Variants in ZKSCAN1 observed in about 807,000 individuals in gnomAD.
The protein encoded by ZKSCAN1 is zinc finger with KRAB and SCAN domains 1.
A neutral mutation model predicts 51.6 loss-of-function variants in ZKSCAN1; 14 were observed. That is an observed-to-expected ratio of 0.27 (90% CI 0.18 to 0.42). The LOEUF is 0.42. Ranked by LOEUF, ZKSCAN1 falls within the 10% of genes least tolerant of loss-of-function variation. The pLI, the probability that ZKSCAN1 is intolerant of heterozygous loss-of-function variation, is 1.00. For missense variants in ZKSCAN1, 531 were observed against 710.0 expected (o/e 0.75, Z 2.86); for synonymous variants, 263 against 261.5 (o/e 1.01, Z -0.06).
rs1322657690 is a variant in ZKSCAN1 at position 100,035,784 on chromosome 7, A to G, written c.*1587A>G. On this transcript the variant is annotated 3_prime_UTR_variant, in exon 6 of 6. Coordinates refer to ENST00000324306, the MANE Select transcript of ZKSCAN1 (RefSeq NM_003439.4). ...AGGTTATGAAACTTTCATTGGTCCC[A>G]TCGTTGTGCGCAGGGTGCAACTGGC... 2 of 952,762 alleles carry G rather than the reference A, an allele frequency of 2.1e-6. No individual in the cohort carries two copies. The highest frequency in any genetic ancestry group is 2.5e-6 in the Non-Finnish European group (2 of 800,248). 59.0% of individuals were successfully genotyped at this position (952,762 alleles called of 1,614,324 possible). A position where few individuals can be genotyped will look rare whatever the true frequency, so the allele number is the denominator to read the frequency against.
chr7:100,017,311 C>G, intron 1 of ZKSCAN1, among the ~76,000 whole-genome samples: 1 of 152,076 alleles, frequency 6.6e-6, no homozygotes, highest in East Asian at 1.9e-4. Context: ...CAACCTCTGC[C>G]TCCCGAGTTC....
At position 100,023,502 on chromosome 7, in the gene ZKSCAN1, C is replaced by A. The variant is rs1234488367; in HGVS notation, c.-5C>A. On this transcript the variant is annotated 5_prime_UTR_variant, in exon 2 of 6. Coordinates refer to ENST00000324306, the MANE Select transcript of ZKSCAN1 (RefSeq NM_003439.4). ...GTTTGGATCAAGTCAGTTCCTGGAGCCTGAATGATGACTGCTGAATCACGG... is the reference window on the plus strand; with the variant it reads ...GTTTGGATCAAGTCAGTTCCTGGAGACTGAATGATGACTGCTGAATCACGG... The A allele has an allele frequency of 2.5e-6, 4 of 1,605,784 alleles. No individual in the cohort carries two copies. Among genetic ancestry groups the A allele is most frequent in the Non-Finnish European group, 3.4e-6 (4 of 1,176,436 alleles).
In ZKSCAN1 at chr7:100,040,864, T is replaced by G. The variant is rs1319228318; in HGVS notation, c.*6667T>G. On this transcript the variant is annotated 3_prime_UTR_variant, in exon 6 of 6. Transcript: ENST00000324306. ...CAAAGCATGTTAGATTAGAGATGCT[T>G]CTGCTGATCGCAGGGGTTCTTATTT... is the stretch of plus-strand genomic sequence containing the variant. The G allele has an allele frequency of 1.0e-6, 1 of 985,264 alleles. No homozygotes were observed. Among genetic ancestry groups the G allele is most frequent in the Non-Finnish European group, 1.2e-6 (1 of 829,920 alleles). 61.0% of individuals were successfully genotyped at this position (985,264 alleles called of 1,614,324 possible).
chr7:100,032,735 G>A (rs1028138774), intron 5 of ZKSCAN1, among the ~76,000 whole-genome samples: 3 of 151,806 alleles, frequency 2.0e-5, no homozygotes, highest in South Asian at 2.1e-4. Context: ...TAGGCCAGGC[G>A]TGGTGGCTCA....
In ZKSCAN1 at chr7:100,033,266, GA is replaced by G; in HGVS notation, c.800-34del. The G allele has an allele frequency of 1.3e-6, 2 of 1,554,556 alleles. No homozygotes were observed. Among genetic ancestry groups the G allele is most frequent in the Non-Finnish European group, 1.7e-6 (2 of 1,156,416 alleles). ...GCTTGACCCACCTGTATATTCAAAA[GA>G]AAAAGGTGCGATTTGAATTTTCTAT... On this transcript the variant is annotated intron_variant, in intron 5 of 5. Transcript: ENST00000324306. The surrounding 1 kb of genome is among the most constrained non-coding windows in gnomAD (Gnocchi z 4.1).
At chr7:100,017,134 C>T (rs1032998710) in intron 1 of ZKSCAN1, among the ~76,000 whole-genome samples, 4 of 151,900 alleles carry the variant, frequency 2.6e-5, no homozygotes, top group African/African-American at 9.7e-5. Context: ...GAATAGCTAG[C>T]TGTCTTTTAA....
At chr7:100,027,759 A>C (rs1584339336) in intron 3 of ZKSCAN1, among the ~76,000 whole-genome samples, 1 of 150,416 alleles carries the variant, frequency 6.6e-6, no homozygotes, top group East Asian at 2.0e-4. Context: ...AAAAAAAAAA[A>C]AAAAAACACC....
intron 3 of ZKSCAN1, among the ~76,000 whole-genome samples, chr7:100,027,617 G>A (rs181629504): frequency 0.015 from 2,261 of 151,536 alleles, 25 homozygotes; most frequent in Non-Finnish European, 0.025. Flanking sequence ...GCATGGTGGC[G>A]GGTGCCTGTA....
chr7:100,039,467 C>G lies in ZKSCAN1; in HGVS notation c.*5270C>G, dbSNP rs1380416829. The G allele has an allele frequency of 1.0e-6, 1 of 985,302 alleles. No individual in the cohort carries two copies. Among genetic ancestry groups the G allele is most frequent in the Non-Finnish European group, 1.2e-6 (1 of 829,942 alleles). The allele number at this position is 985,302 out of a possible 1,614,324, so 61.0% of individuals were successfully genotyped here. A position where few individuals can be genotyped will look rare whatever the true frequency, so the allele number is the denominator to read the frequency against. On this transcript the variant is annotated 3_prime_UTR_variant, in exon 6 of 6. Coordinates refer to ENST00000324306, the MANE Select transcript of ZKSCAN1 (RefSeq NM_003439.4). Reference sequence around the variant, plus strand: ...AAGCATTTTGCAATATTCCCTTTGGCTGTGTTCCTGTGTTCCCTGCTCCCA... The same window carrying G: ...AAGCATTTTGCAATATTCCCTTTGGGTGTGTTCCTGTGTTCCCTGCTCCCA...
At chr7:100,026,726 G>GA (rs898080791) in intron 3 of ZKSCAN1, among the ~76,000 whole-genome samples, 94 of 146,816 alleles carry the variant, frequency 6.4e-4, no homozygotes, top group African/African-American at 2.1e-3. Context: ...CTCTGTCTCA[G>GA]AAAAAAAAAA....
chr7:100,029,251 GTTTT>G (rs557347149), intron 3 of ZKSCAN1, among the ~76,000 whole-genome samples: 1 of 150,358 alleles, frequency 6.7e-6, no homozygotes, highest in Non-Finnish European at 1.5e-5. Context: ...CTACTAAAGT[GTTTT>G]TTTTGTTGTT....
In ZKSCAN1 at chr7:100,038,066, A is replaced by T; in HGVS notation, c.*3869A>T. 1 of 985,138 alleles carries T rather than the reference A, an allele frequency of 1.0e-6. No individual in the cohort carries two copies. The highest frequency in any genetic ancestry group is 1.2e-6 in the Non-Finnish European group (1 of 829,790). 61.0% of individuals were successfully genotyped at this position (985,138 alleles called of 1,614,324 possible). On this transcript the variant is annotated 3_prime_UTR_variant, in exon 6 of 6. Transcript: ENST00000324306. The stretch of plus-strand genomic sequence containing the variant: ...GGGTGCTCAATCTTAACTGCAGAGG[A>T]TCTACAGATGAAAAAAAATGTGGGG...
Position 100,039,425 on chromosome 7 carries a change from G to C in ZKSCAN1, c.*5228G>C. On this transcript the variant is annotated 3_prime_UTR_variant, in exon 6 of 6. Transcript: ENST00000324306. Reference sequence around the variant, plus strand: ...CCAGTCGTGGCATTGCAAGAAGTCTGTCTGATGAAGCTCGGGAAGCATTTT... The same window carrying C: ...CCAGTCGTGGCATTGCAAGAAGTCTCTCTGATGAAGCTCGGGAAGCATTTT... 4.1e-6 allele frequency: 4 copies of C among 985,450 alleles called. No homozygotes were observed. Among genetic ancestry groups the C allele is most frequent in the Non-Finnish European group, 4.8e-6 (4 of 829,940 alleles). 61.0% of individuals were successfully genotyped at this position (985,450 alleles called of 1,614,324 possible).
rs912657257 is a variant in ZKSCAN1, at chr7:100,037,623, T to C, written c.*3426T>C. The C allele has an allele frequency of 6.1e-6, 6 of 985,334 alleles. No homozygotes were observed. The African/African-American group carries it at 7.0e-5, about 11-fold the overall frequency. The allele number at this position is 985,334 out of a possible 1,614,324, so 61.0% of individuals were successfully genotyped here. On this transcript the variant is annotated 3_prime_UTR_variant, in exon 6 of 6. Transcript: ENST00000324306. ...GTAAATAAACTTGATGAATATTATA[T>C]GTGAGGAAAACTTTCATGTATAGCA... is the stretch of plus-strand genomic sequence containing the variant.
chr7:100,034,633 T>A lies in ZKSCAN1; in HGVS notation c.*436T>A. 1.6e-5 allele frequency: 14 copies of A among 875,574 alleles called. No individual in the cohort carries two copies. Among genetic ancestry groups the A allele is most frequent in the Non-Finnish European group, 1.9e-5 (14 of 728,200 alleles). The allele number at this position is 875,574 out of a possible 1,614,324, so 54.2% of individuals were successfully genotyped here. On this transcript the variant is annotated 3_prime_UTR_variant, in exon 6 of 6. Transcript: ENST00000324306. Reference sequence around the variant, plus strand: ...CTTTGGCCAACATCCTGCTTATTTCTCAAAAAAGAGGGACAGTGAAAACAA... The same window carrying A: ...CTTTGGCCAACATCCTGCTTATTTCACAAAAAAGAGGGACAGTGAAAACAA...
intron 3 of ZKSCAN1, among the ~76,000 whole-genome samples, chr7:100,025,317 C>CAAAA (rs1584335476): frequency 4.8e-5 from 4 of 83,836 alleles, no homozygotes; most frequent in East Asian, 4.5e-4. Context: ...GAGTCTGTTT[C>CAAAA]CAAAAAAAAA....
At position 100,037,957 on chromosome 7, in the gene ZKSCAN1, T is replaced by C. The variant is rs1035690207; in HGVS notation, c.*3760T>C. 1 of 926,726 alleles carries C rather than the reference T, an allele frequency of 1.1e-6. No individual in the cohort carries two copies. Among genetic ancestry groups the C allele is most frequent in the Non-Finnish European group, 1.3e-6 (1 of 776,966 alleles). The allele number at this position is 926,726 out of a possible 1,614,324, so 57.4% of individuals were successfully genotyped here. On this transcript the variant is annotated 3_prime_UTR_variant, in exon 6 of 6. Coordinates refer to ENST00000324306, the MANE Select transcript of ZKSCAN1 (RefSeq NM_003439.4). The stretch of plus-strand genomic sequence containing the variant: ...ATGGCTTGAACCTGCGAGGCGGAGG[T>C]TGCAGTGAGCTAAGATCATGCCACT...
Position 100,034,117 on chromosome 7 carries a change from A to G in ZKSCAN1, c.1612A>G (p.Ile538Val). 6.2e-7 allele frequency: 1 copy of G among 1,602,156 alleles called. No homozygotes were observed. Among genetic ancestry groups the G allele is most frequent in the Non-Finnish European group, 8.5e-7 (1 of 1,175,784 alleles). Residue 538 changes from isoleucine to valine, a missense_variant, in exon 6 of 6, where the codon ATC becomes GTC. Physicochemically the swap from Ile to Val is conservative, Grantham distance 29. This residue lies in a region of ZKSCAN1 where 128 missense variants were observed against 219.5 expected (regional missense o/e 0.58). Transcript: ENST00000324306. Reference protein sequence around the residue: ...RSSTLTLHHRIHARERASEYS... With the variant: ...RSSTLTLHHRVHARERASEYS... The stretch of plus-strand genomic sequence containing the variant: ...CTCCACCCTCACTCTGCATCACAGA[A>G]TCCATGCCAGAGAGAGAGCCTCTGA...
chr7:100,029,681 G>A (rs995092450), intron 3 of ZKSCAN1, among the ~76,000 whole-genome samples, 180 bp from the exon 4 acceptor site: 6 of 152,180 alleles, frequency 3.9e-5, no homozygotes, highest in Admixed American at 3.9e-4. Context: ...CTCAAGAGTA[G>A]AGGTCTTGGG....
Sources: gnomAD v4.1 joint callset for allele counts (sites outside exome capture counted in the v4.1 genomes callset) on GRCh38, gnomAD v4.1.1 for gene constraint, gnomAD v4.1.1 regional missense constraint, Gnocchi (gnomAD v3.1) non-coding constraint, MANE v1.5 for transcripts, NCBI Gene and HGNC (gene_info 2026-07-23, HGNC 2026-07-21) for gene names.